RASGRF2: variants seen among roughly 807,000 people sequenced by gnomAD.
RASGRF2 encodes Ras protein specific guanine nucleotide releasing factor 2, also known as ras-specific guanine nucleotide-releasing factor 2.
RASGRF2 carries 76 observed loss-of-function variants against 151.0 expected under a neutral mutation model. The ratio of observed to expected loss-of-function variants is 0.50; its 90% confidence interval spans 0.42 to 0.61. RASGRF2 has a LOEUF of 0.61. RASGRF2 is among the 20% of genes least tolerant of loss of function. The pLI, the probability that RASGRF2 is intolerant of heterozygous loss-of-function variation, is 0.00. For synonymous variants in RASGRF2, 504 were observed against 566.5 expected (o/e 0.89, Z 1.57); for missense variants, 1,148 against 1,564.6 (o/e 0.73, Z 4.49).
chr5:81,037,753 T>C (rs1399706013), intron 1 of RASGRF2, among the ~76,000 whole-genome samples: 1 of 152,156 alleles, frequency 6.6e-6, no homozygotes. Flanking sequence ...TTTTTGAAGA[T>C]TAAAAAAAGT....
chr5:80,982,560 A>G (rs959696918), intron 1 of RASGRF2, among the ~76,000 whole-genome samples: 4 of 117,108 alleles, frequency 3.4e-5, no homozygotes, highest in African/African-American at 1.2e-4. Flanking sequence ...GGGGGCTGGA[A>G]GTGGGATAGA....
intron 1 of RASGRF2, among the ~76,000 whole-genome samples, chr5:81,003,399 A>G (rs1749152477): frequency 1.3e-5 from 2 of 151,892 alleles, no homozygotes; most frequent in African/African-American, 2.4e-5. Flanking sequence ...ATTTTTTTGT[A>G]TTTTTAGTAG....
intron 17 of RASGRF2, among the ~76,000 whole-genome samples, chr5:81,165,635 G>A (rs17214270): frequency 0.16 from 24,325 of 152,112 alleles, 2,281 homozygotes; most frequent in East Asian, 0.23. Flanking sequence ...GACATTATCC[G>A]CCTGACCTTG....
intron 18 of RASGRF2, among the ~76,000 whole-genome samples, chr5:81,184,555 C>G (rs999115804): frequency 6.6e-6 from 1 of 152,196 alleles, no homozygotes; most frequent in Non-Finnish European, 1.5e-5. Context: ...GGTAAAAGGG[C>G]TGCAGCTGTG....
intron 1 of RASGRF2, among the ~76,000 whole-genome samples, chr5:80,969,337 T>C (rs1015554208): frequency 1.3e-5 from 2 of 151,782 alleles, no homozygotes; most frequent in Non-Finnish European, 2.9e-5. Context: ...GGTTTCACCA[T>C]GTTGGTCAGG....
chr5:81,125,092 G>C (rs897258043), intron 16 of RASGRF2, among the ~76,000 whole-genome samples: 14 of 152,026 alleles, frequency 9.2e-5, no homozygotes, highest in African/African-American at 3.4e-4. Flanking sequence ...TCACTTTGTC[G>C]GCAAGGCTGG....
chr5:81,002,290 C>G (rs1310734800), intron 1 of RASGRF2, among the ~76,000 whole-genome samples: 1 of 152,132 alleles, frequency 6.6e-6, no homozygotes, highest in Non-Finnish European at 1.5e-5. Flanking sequence ...TATTTAGTTG[C>G]ATTTTCCCTC....
In RASGRF2 at chr5:81,088,885, T is replaced by C. The variant is rs1580300742; in HGVS notation, c.1390+1932T>C. ...CATGAACAATTTCTCCCTTTATTCA[T>C]GCCCATATGTTATTAATTCCTTGTT... On this transcript the variant is annotated intron_variant, in intron 9 of 26. Transcript: ENST00000265080. Among the ~76,000 whole-genome samples the C allele has an allele frequency of 2.6e-5, 4 of 152,226 alleles. No homozygotes were observed. In the East Asian group the frequency reaches 7.7e-4, roughly 29 times the overall value.
chr5:81,035,152 C>G (rs1343159723), intron 1 of RASGRF2, among the ~76,000 whole-genome samples: 1 of 152,084 alleles, frequency 6.6e-6, no homozygotes, highest in Non-Finnish European at 1.5e-5. Context: ...GCTATAAAGA[C>G]ACAAGCACAC....
chr5:81,064,938 T>G (rs146296058), intron 2 of RASGRF2, among the ~76,000 whole-genome samples: 108 of 152,282 alleles, frequency 7.1e-4, no homozygotes, highest in African/African-American at 2.5e-3. Context: ...GGGTCGTTAG[T>G]GGACCTGATT....
intron 1 of RASGRF2, among the ~76,000 whole-genome samples, chr5:81,025,739 T>A (rs191542395): frequency 1.3e-5 from 2 of 152,190 alleles, no homozygotes; most frequent in Non-Finnish European, 1.5e-5. Flanking sequence ...TTGCCCGTTA[T>A]ATATAGTATG....
At chr5:80,979,834 G>A (rs765061707) in intron 1 of RASGRF2, among the ~76,000 whole-genome samples, 19 of 152,164 alleles carry the variant, frequency 1.2e-4, no homozygotes, top group African/African-American at 3.6e-4. Flanking sequence ...GGTGCTTGGC[G>A]TTTGAGGAGT....
In RASGRF2 at chr5:81,094,489, C is replaced by T. The variant is rs999206459; in HGVS notation, c.1618+127C>T. The T allele has an allele frequency of 1.1e-5, 10 of 886,644 alleles. No homozygotes were observed. The African/African-American group carries it at 1.5e-4, about 14-fold the overall frequency. 54.9% of individuals were successfully genotyped at this position (886,644 alleles called of 1,614,324 possible). A position where few individuals can be genotyped will look rare whatever the true frequency, so the allele number is the denominator to read the frequency against. ...CATTTAGCCCATGAGCCTTGTTAAA[C>T]CATCTTTGGGAATTCACATTTTACT... On this transcript the variant is annotated intron_variant, in intron 11 of 26. Coordinates refer to ENST00000265080, the MANE Select transcript of RASGRF2 (RefSeq NM_006909.3).
intron 4 of RASGRF2, among the ~76,000 whole-genome samples, chr5:81,072,679 G>A (rs1293626159): frequency 6.6e-6 from 1 of 151,948 alleles, no homozygotes; most frequent in Non-Finnish European, 1.5e-5. Context: ...CTGGTAACAC[G>A]AGATTAAAAA....
chr5:81,125,313 G>A (rs923659626), intron 16 of RASGRF2, among the ~76,000 whole-genome samples: 7 of 152,204 alleles, frequency 4.6e-5, no homozygotes, highest in Non-Finnish European at 1.0e-4. Context: ...TCATTGCCAT[G>A]AGCTCTGAGA....
intron 15 of RASGRF2, among the ~76,000 whole-genome samples, chr5:81,116,380 G>A (rs1415267263): frequency 6.6e-6 from 1 of 152,004 alleles, no homozygotes; most frequent in African/African-American, 2.4e-5. Context: ...ACCATACCCA[G>A]CCAGTGAATG....
intron 2 of RASGRF2, among the ~76,000 whole-genome samples, chr5:81,065,108 T>A (rs138244614): frequency 1.2e-3 from 176 of 152,266 alleles, no homozygotes; most frequent in African/African-American, 3.9e-3. Context: ...CTCAAGATGA[T>A]AATGCATCTT....
intron 1 of RASGRF2, among the ~76,000 whole-genome samples, chr5:80,977,614 A>G (rs1487511946): frequency 1.3e-5 from 2 of 151,740 alleles, no homozygotes; most frequent in Non-Finnish European, 2.9e-5. Context: ...CCACCACCAC[A>G]CCCGGCTAAT....
chr5:81,153,213 G>A lies in RASGRF2; in HGVS notation c.2686+26050G>A, dbSNP rs145960926. On this transcript the variant is annotated intron_variant, in intron 17 of 26. Coordinates refer to ENST00000265080, the MANE Select transcript of RASGRF2 (RefSeq NM_006909.3). ...AGTATGTCTATATCCTAAACGGTGT[G>A]ATCCGTGTGTATGTTACCTTACATG... is the stretch of plus-strand genomic sequence containing the variant. Among the ~76,000 whole-genome samples, 541 of 152,290 alleles carry A rather than the reference G, an allele frequency of 3.6e-3. 4 individuals carry two copies. Among genetic ancestry groups the A allele is most frequent in the African/African-American group, 0.012 (518 of 41,566 alleles).
Sources: gnomAD v4.1 joint callset for allele counts (sites outside exome capture counted in the v4.1 genomes callset) on GRCh38, gnomAD v4.1.1 for gene constraint, MANE v1.5 for transcripts, NCBI Gene and HGNC (gene_info 2026-07-23, HGNC 2026-07-21) for gene names.